The following TBC1D15 variants were observed in gnomAD, a reference collection of about 807,000 sequenced individuals.
TBC1D15 encodes GAP for RAB7.
Under a neutral mutation model 95.4 loss-of-function variants are expected in TBC1D15, and 39 were observed. The observed-to-expected ratio is 0.41, with a 90% CI of 0.32 to 0.53. The LOEUF is 0.53. TBC1D15 is among the 20% of genes least tolerant of loss of function. The pLI is 0.29. For synonymous variants in TBC1D15, 258 were observed against 261.3 expected (o/e 0.99, Z 0.12); for missense variants, 733 against 794.3 (o/e 0.92, Z 0.93).
intron 4 of TBC1D15, among the ~76,000 whole-genome samples, chr12:71,883,727 T>C (rs1259897535): frequency 1.3e-5 from 2 of 152,100 alleles, no homozygotes; most frequent in Non-Finnish European, 2.9e-5. Context: ...AGCAGGATAG[T>C]GTGACACTTC....
chr12:71,840,829 T>C (rs1032618369), intron 1 of TBC1D15, among the ~76,000 whole-genome samples: 2 of 152,234 alleles, frequency 1.3e-5, no homozygotes, highest in African/African-American at 2.4e-5. Context: ...ATGACAAATA[T>C]GGGCTTGGTT....
At position 71,923,049 on chromosome 12, in the gene TBC1D15, G is replaced by C. The variant is rs1870038335; in HGVS notation, c.1870G>C (p.Asp624His). 1 of 1,614,098 alleles carries C rather than the reference G, an allele frequency of 6.2e-7. No homozygotes were observed. The highest frequency in any genetic ancestry group is 1.1e-5 in the South Asian group (1 of 91,090). Residue 624 changes from aspartate (D) to histidine (H), a missense_variant, in exon 17 of 17, where the codon GAC becomes CAC. Transcript: ENST00000485960. ...QGSEVTTPDS[D>H]VGEDENVVMT... ...CAGTGAAGTTACAACACCAGATTCA[G>C]ACGTTGGTGAAGACGAAAATGTTGT... is the stretch of plus-strand genomic sequence containing the variant.
At position 71,884,934 on chromosome 12, in the gene TBC1D15, A is replaced by G; in HGVS notation, c.467A>G (p.Asp156Gly). The change falls in exon 5 of 17, where the codon GAT becomes GGT. Residue 156 changes from aspartate (D) to glycine (G), a missense_variant. Asp to Gly is a moderately conservative substitution (Grantham distance 94). Transcript: ENST00000485960. ...GWSYLVFCLKDDVVLPALHFH... is the reference protein window; with the variant it reads ...GWSYLVFCLKGDVVLPALHFH... ...TCCTATTTGGTATTCTGTCTAAAGGATGACGTCGTTCTCCCTGCTCTACAC... is the reference window on the plus strand; with the variant it reads ...TCCTATTTGGTATTCTGTCTAAAGGGTGACGTCGTTCTCCCTGCTCTACAC... 1 of 1,613,916 alleles carries G rather than the reference A, an allele frequency of 6.2e-7. No individual in the cohort carries two copies. The highest frequency in any genetic ancestry group is 8.5e-7 in the Non-Finnish European group (1 of 1,179,896).
intron 1 of TBC1D15, among the ~76,000 whole-genome samples, chr12:71,864,928 C>T (rs34777865): frequency 0.013 from 2,028 of 152,318 alleles, 28 homozygotes; most frequent in Middle Eastern, 0.031. Flanking sequence ...TAATTGTGGG[C>T]ACCTCAGTGG....
chr12:71,891,057 GATGTAAA>G (rs1897124699), intron 5 of TBC1D15, among the ~76,000 whole-genome samples: 1 of 152,016 alleles, frequency 6.6e-6, no homozygotes, highest in South Asian at 2.1e-4. Context: ...TTAGGTTCTA[GATGTAAA>G]ATTTTGTTAT....
intron 10 of TBC1D15, among the ~76,000 whole-genome samples, chr12:71,904,467 T>A (rs918404902): frequency 6.6e-6 from 1 of 152,128 alleles, no homozygotes; most frequent in African/African-American, 2.4e-5. Flanking sequence ...TTTTTAATGA[T>A]GTTGAAAGAA....
intron 1 of TBC1D15, among the ~76,000 whole-genome samples, chr12:71,860,548 T>C (rs1238498051): frequency 6.6e-6 from 1 of 152,222 alleles, no homozygotes; most frequent in Non-Finnish European, 1.5e-5. Context: ...TTCTGCTAGT[T>C]CATTGTTGCT....
intron 1 of TBC1D15, among the ~76,000 whole-genome samples, chr12:71,856,401 C>T (rs1889080788): frequency 6.6e-6 from 1 of 152,040 alleles, no homozygotes; most frequent in Non-Finnish European, 1.5e-5. Context: ...GTTTTAGATG[C>T]ATGGTGCTGA....
chr12:71,889,086 A>G (rs1896779136), intron 5 of TBC1D15, among the ~76,000 whole-genome samples: 1 of 152,190 alleles, frequency 6.6e-6, no homozygotes, highest in African/African-American at 2.4e-5. Flanking sequence ...AATGAAATCA[A>G]CTAAGGGGAG....
rs562497077 is a variant in TBC1D15, at chr12:71,923,148, G to C, written c.1969G>C (p.Asp657His). Residue 657 changes from aspartate to histidine, a missense_variant, in exon 17 of 17, where the codon GAC becomes CAC. Asp to His is a moderately conservative substitution (Grantham distance 81). Transcript: ENST00000485960. ...PTLSASGARN[D>H]SPTQIPVSSD... ...ACTCTCTGCCAGTGGAGCCAGAAATGACAGCCCAACACAGATACCAGTGTC... is the reference window on the plus strand; with the variant it reads ...ACTCTCTGCCAGTGGAGCCAGAAATCACAGCCCAACACAGATACCAGTGTC... 6.2e-7 allele frequency: 1 copy of C among 1,614,180 alleles called. No homozygotes were observed. The highest frequency in any genetic ancestry group is 1.1e-5 in the South Asian group (1 of 91,088).
intron 5 of TBC1D15, among the ~76,000 whole-genome samples, chr12:71,887,892 T>C (rs1010009713): frequency 3.9e-5 from 6 of 152,216 alleles, no homozygotes; most frequent in Non-Finnish European, 8.8e-5. Context: ...GCAATAAATA[T>C]TAGTTGAATG....
At chr12:71,873,114 G>C in intron 3 of TBC1D15, 111 bp downstream of exon 3, 1 of 698,654 alleles carries the variant, frequency 1.4e-6, no homozygotes, top group Non-Finnish European at 2.3e-6. Context: ...ATACAATTCA[G>C]TGGTTTTTAG....
chr12:71,893,190 G>A, intron 5 of TBC1D15, 32 bp from the exon 6 acceptor site: 1 of 1,308,418 alleles, frequency 7.6e-7, no homozygotes, highest in South Asian at 1.3e-5. Flanking sequence ...CAGTGTGTTA[G>A]TATTTTCTAC....
chr12:71,870,568 G>A lies in TBC1D15; in HGVS notation c.31-1502G>A, dbSNP rs917959252. Among the ~76,000 whole-genome samples the A allele has an allele frequency of 3.2e-4, 48 of 152,268 alleles. 1 individual carries two copies. Among genetic ancestry groups the A allele is most frequent in the African/African-American group, 9.4e-4 (39 of 41,542 alleles). ...CACAGTTGATTAACATAACACATCC[G>A]AGAGAGGCAGTAAAAGTAATGTGGA... On this transcript the variant is annotated intron_variant, in intron 1 of 16. Coordinates refer to ENST00000485960, the MANE Select transcript of TBC1D15 (RefSeq NM_001146213.3).
chr12:71,882,192 G>T (rs1323675171), intron 4 of TBC1D15, among the ~76,000 whole-genome samples: 10 of 151,860 alleles, frequency 6.6e-5, no homozygotes, highest in African/African-American at 2.4e-4. Flanking sequence ...TTTAAAAATT[G>T]ACTATCAGAC....
intron 4 of TBC1D15, among the ~76,000 whole-genome samples, chr12:71,881,916 CAA>C (rs35977474): frequency 1.9e-4 from 10 of 53,584 alleles, no homozygotes; most frequent in African/African-American, 5.5e-4. Context: ...GACTCCGTCT[CAA>C]AAAAAAAAAA....
chr12:71,899,046 G>T (rs1898783572), intron 10 of TBC1D15, among the ~76,000 whole-genome samples: 1 of 152,096 alleles, frequency 6.6e-6, no homozygotes, highest in South Asian at 2.1e-4. Context: ...AACAATAAGG[G>T]ATTCTGGTGT....
intron 1 of TBC1D15, among the ~76,000 whole-genome samples, chr12:71,870,366 A>G (rs1892408067): frequency 6.6e-6 from 1 of 152,220 alleles, no homozygotes; most frequent in Non-Finnish European, 1.5e-5. Flanking sequence ...CAAACAGTAT[A>G]GAATTATCTC....
chr12:71,872,206 T>A (rs1326956112), intron 2 of TBC1D15, 38 bp downstream of exon 2: 1 of 1,214,634 alleles, frequency 8.2e-7, no homozygotes, highest in African/African-American at 1.6e-5. Context: ...AATAATAGTT[T>A]ATGGTAGTGA....
Sources: gnomAD v4.1 joint callset for allele counts (sites outside exome capture counted in the v4.1 genomes callset) on GRCh38, gnomAD v4.1.1 for gene constraint, MANE v1.5 for transcripts, NCBI Gene and HGNC (gene_info 2026-07-23, HGNC 2026-07-21) for gene names.